The following SPATA31H1 variants were observed in gnomAD, a reference collection of about 807,000 sequenced individuals.
The protein encoded by SPATA31H1 is SPATA31 subfamily H member 1.
the SPATA31H1 span, chr2:27,572,520 G>T: frequency 2.5e-6 from 1 of 398,392 alleles, no homozygotes; most frequent in East Asian, 3.6e-5. Context: ...GTTTAACCGT[G>T]GGCCACAGTT....
chr2:27,561,871 T>A, the SPATA31H1 span, among the ~76,000 whole-genome samples: 1 of 152,318 alleles, frequency 6.6e-6, no homozygotes, highest in Non-Finnish European at 1.5e-5. Context: ...GCTAGCTTTT[T>A]GTATTTTTTT....
chr2:27,554,575 TG>T, the SPATA31H1 span, among the ~76,000 whole-genome samples: 1 of 151,706 alleles, frequency 6.6e-6, no homozygotes, highest in South Asian at 2.1e-4. Flanking sequence ...TTTTTGTTTT[TG>T]TTTTGTTTTG....
At chr2:27,550,221 ATTC>A in the SPATA31H1 span, among the ~76,000 whole-genome samples, 4 of 135,912 alleles carry the variant, frequency 2.9e-5, no homozygotes, top group Non-Finnish European at 6.5e-5. Flanking sequence ...TATAGTGGGG[ATTC>A]TTTTTTTTTT....
chr2:27,549,072 CAAAAAAAAAAA>C, the SPATA31H1 span, among the ~76,000 whole-genome samples: 1 of 53,306 alleles, frequency 1.9e-5, no homozygotes, highest in South Asian at 7.1e-4. Flanking sequence ...GACTCCGTCT[CAAAAAAAAAAA>C]AAAAAAAAAA....
chr2:27,578,549 T>G, the SPATA31H1 span: 1 of 1,614,034 alleles, frequency 6.2e-7, no homozygotes, highest in East Asian at 2.2e-5. Context: ...AAGTGAAGTC[T>G]GCAGAATTAA....
the SPATA31H1 span, chr2:27,580,413 A>G: frequency 6.2e-7 from 1 of 1,614,020 alleles, no homozygotes; most frequent in Non-Finnish European, 8.5e-7. Context: ...AGTGAGAACC[A>G]AAAAGACCTC....
At chr2:27,561,586 C>T in the SPATA31H1 span, among the ~76,000 whole-genome samples, 2 of 152,076 alleles carry the variant, frequency 1.3e-5, no homozygotes, top group African/African-American at 4.8e-5. Flanking sequence ...ACCTTTTTTT[C>T]TATGTTCCAG....
At chr2:27,567,551 G>A in the SPATA31H1 span, 1 of 403,212 alleles carries the variant, frequency 2.5e-6, no homozygotes, top group East Asian at 3.5e-5. Context: ...AACTTTCACA[G>A]TCACTTATCT....
the SPATA31H1 span, chr2:27,571,479 C>T: frequency 5.0e-6 from 2 of 398,298 alleles, no homozygotes; most frequent in Non-Finnish European, 8.9e-6. Context: ...GGAGTTGACT[C>T]CATGTTCAAG....
chr2:27,541,529 C>T, the SPATA31H1 span, among the ~76,000 whole-genome samples: 68 of 152,010 alleles, frequency 4.5e-4, no homozygotes, highest in Admixed American at 2.9e-3. Context: ...GTAAGTGCTC[C>T]GTAGTTGTTT....
At chr2:27,561,788 T>A in the SPATA31H1 span, among the ~76,000 whole-genome samples, 2 of 152,092 alleles carry the variant, frequency 1.3e-5, no homozygotes, top group Admixed American at 1.3e-4. Flanking sequence ...AGCAACCACC[T>A]CCCGGGCTCA....
chr2:27,577,553 G>A, the SPATA31H1 span: 1 of 1,614,140 alleles, frequency 6.2e-7, no homozygotes. This position sits in a 1 kb window ranked among gnomAD's most constrained non-coding sequence, Gnocchi z 4.5. Flanking sequence ...AGAAAAGACT[G>A]CAAGGGGAAG....
At chr2:27,566,133 T>A in the SPATA31H1 span, 1 of 717,406 alleles carries the variant, frequency 1.4e-6, no homozygotes, top group Non-Finnish European at 2.6e-6. Context: ...ATTCTACTGA[T>A]AAATTCTGTG....
At chr2:27,566,333 G>C in the SPATA31H1 span, 1 of 717,368 alleles carries the variant, frequency 1.4e-6, no homozygotes. Flanking sequence ...TATATACTCT[G>C]GTCAATGGAG....
the SPATA31H1 span, chr2:27,573,295 T>C: frequency 5.0e-6 from 2 of 398,044 alleles, no homozygotes; most frequent in East Asian, 7.1e-5. Flanking sequence ...CTTCAAGGTG[T>C]AAAAGATGTG....
chr2:27,545,845 G>T, the SPATA31H1 span, among the ~76,000 whole-genome samples: 2 of 151,888 alleles, frequency 1.3e-5, no homozygotes, highest in East Asian at 3.8e-4. Context: ...TTACAGGTGT[G>T]AGCCATTGCA....
the SPATA31H1 span, chr2:27,579,141 T>G: frequency 1.9e-6 from 3 of 1,613,994 alleles, no homozygotes; most frequent in Non-Finnish European, 2.5e-6. Flanking sequence ...CCAGGCAGAA[T>G]CAGGGGTTCA....
the SPATA31H1 span, among the ~76,000 whole-genome samples, chr2:27,549,330 C>G: frequency 6.6e-6 from 1 of 151,078 alleles, no homozygotes; most frequent in Non-Finnish European, 1.5e-5. Flanking sequence ...ATGTCATTTT[C>G]TTTTATTTAT....
chr2:27,570,301 T>A, the SPATA31H1 span: 6 of 398,862 alleles, frequency 1.5e-5, no homozygotes, highest in Non-Finnish European at 2.7e-5. Context: ...TTTCACAGCA[T>A]GAAATCTGCG....
Sources: allele counts gnomAD v4.1 joint callset (sites outside exome capture counted in the v4.1 genomes callset), GRCh38; gene constraint gnomAD v4.1.1; non-coding constraint Gnocchi (gnomAD v3.1); transcripts MANE v1.5; gene names NCBI Gene and HGNC (gene_info 2026-07-23, HGNC 2026-07-21).